Variants in CD300LB observed in about 807,000 individuals in gnomAD.
The protein encoded by CD300LB is CMRF35-like molecule 7.
A neutral mutation model predicts 20.8 loss-of-function variants in CD300LB; 18 were observed. The ratio of observed to expected loss-of-function variants is 0.87; its 90% confidence interval spans 0.60 to 1.28. The LOEUF is 1.28. Ranked by LOEUF, CD300LB falls within the 50% of genes most tolerant of loss-of-function variation. CD300LB has a pLI of 0.00. For synonymous variants in CD300LB, 91 were observed against 91.3 expected (o/e 1.00, Z 0.02); for missense variants, 222 against 251.8 (o/e 0.88, Z 0.80).
chr17:74,526,638 G>A (rs1036435333), intron 1 of CD300LB, among the ~76,000 whole-genome samples: 7 of 152,322 alleles, frequency 4.6e-5, no homozygotes, highest in East Asian at 3.9e-4. Flanking sequence ...GCTTGAACCC[G>A]GGAGGCGGAG....
rs1264192725 is a variant in CD300LB at position 74,522,662 on chromosome 17, C to T, written c.*76G>A. 2.2e-5 allele frequency: 35 copies of T among 1,586,622 alleles called. 1 individual carries two copies. Among genetic ancestry groups the T allele is most frequent in the Admixed American group, 1.0e-4 (6 of 57,774 alleles). On this transcript the variant is annotated 3_prime_UTR_variant, in exon 4 of 4. Coordinates refer to ENST00000392621, the MANE Select transcript of CD300LB (RefSeq NM_174892.4). Reference sequence around the variant, plus strand: ...TCTCAGTCACTGCATCCCGAGGACTCGTAGATGTTCCTTCCACAGCCCGAG... The same window carrying T: ...TCTCAGTCACTGCATCCCGAGGACTTGTAGATGTTCCTTCCACAGCCCGAG...
intron 2 of CD300LB, among the ~76,000 whole-genome samples, chr17:74,525,435 G>A (rs1907999701): frequency 6.6e-6 from 1 of 152,092 alleles, no homozygotes; most frequent in Non-Finnish European, 1.5e-5. Context: ...TCTCTGCCAT[G>A]TCATGAGCAG....
chr17:74,525,613 G>C, intron 2 of CD300LB, 135 bp downstream of exon 2: 3 of 770,894 alleles, frequency 3.9e-6, no homozygotes, highest in Non-Finnish European at 6.3e-6. Flanking sequence ...CTGCCTGTCT[G>C]TCTGTCTGTC....
Position 74,522,016 on chromosome 17 carries a change from G to C in CD300LB, c.*722C>G. The C allele has an allele frequency of 2.0e-6, 2 of 985,490 alleles. No individual in the cohort carries two copies. Among genetic ancestry groups the C allele is most frequent in the Non-Finnish European group, 2.4e-6 (2 of 829,966 alleles). The allele number at this position is 985,490 out of a possible 1,614,324, so 61.0% of individuals were successfully genotyped here. A position where few individuals can be genotyped will look rare whatever the true frequency, so the allele number is the denominator to read the frequency against. On this transcript the variant is annotated 3_prime_UTR_variant, in exon 4 of 4. Transcript: ENST00000392621. ...GAGGAGACCCAAGCTGTCATGCTGA[G>C]GAGGCTCCCAAGCTGCAGCCCCTCG...
In CD300LB at chr17:74,521,218, G is replaced by A. The variant is rs933812219; in HGVS notation, c.*1520C>T. ...TCATTGAATATCAACAGGAAGAAAC[G>A]GTGGGAAAAGAATGACATCACGTTG... On this transcript the variant is annotated 3_prime_UTR_variant, in exon 4 of 4. Transcript: ENST00000392621. 7.1e-5 allele frequency: 18 copies of A among 254,878 alleles called. No homozygotes were observed. Among genetic ancestry groups the A allele is most frequent in the East Asian group, 1.8e-4 (1 of 5,608 alleles). 15.8% of individuals were successfully genotyped at this position (254,878 alleles called of 1,614,324 possible).
Position 74,525,553 on chromosome 17 carries a change from T to C in CD300LB, c.370+195A>G, listed in dbSNP as rs1358435577. On this transcript the variant is annotated intron_variant, in intron 2 of 3. Transcript: ENST00000392621. ...AGGGACTGAGATAGCAGAGCGATGC[T>C]GGCCACCACTCTCCCTTAGTTTCTG... is the stretch of plus-strand genomic sequence containing the variant. 2.6e-5 allele frequency among the ~76,000 whole-genome samples: 4 copies of C among 152,186 alleles called. 1 individual carries two copies. The highest frequency in any genetic ancestry group is 6.5e-5 in the Admixed American group (1 of 15,284).
Position 74,521,605 on chromosome 17 carries a change from T to C in CD300LB, c.*1133A>G. On this transcript the variant is annotated 3_prime_UTR_variant, in exon 4 of 4. Coordinates refer to ENST00000392621, the MANE Select transcript of CD300LB (RefSeq NM_174892.4). ...CCATGCTAGGGACCAGAGGGTCCCC[T>C]CTCCTTTATCCACTGCTGACAGTCA... 1.0e-6 allele frequency: 1 copy of C among 985,402 alleles called. No homozygotes were observed. The highest frequency in any genetic ancestry group is 1.7e-5 in the African/African-American group (1 of 57,344). The allele number at this position is 985,402 out of a possible 1,614,324, so 61.0% of individuals were successfully genotyped here.
In CD300LB at chr17:74,526,041, G is replaced by A. The variant is rs200754539; in HGVS notation, c.77C>T (p.Ala26Val). The change falls in exon 2 of 4, where the codon GCC becomes GTC. Residue 26 changes from alanine to valine, a missense_variant. By Grantham distance (64) the Ala-to-Val change is moderately conservative (BLOSUM62 0). Transcript: ENST00000392621. Reference sequence around the variant, plus strand: ...AACCGTCAGGGACCCCTGCTCTGGGGCTCTCACAGACTCTGGGCCTTGGAT... The same window carrying A: ...AACCGTCAGGGACCCCTGCTCTGGGACTCTCACAGACTCTGGGCCTTGGAT... Reference protein sequence around the residue: ...FSIQGPESVRAPEQGSLTVQC... With the variant: ...FSIQGPESVRVPEQGSLTVQC... 88 of 1,613,978 alleles carry A rather than the reference G, an allele frequency of 5.5e-5. 1 individual carries two copies. The East Asian group carries it at 1.9e-3, about 35-fold the overall frequency.
chr17:74,528,665 T>A (rs1180710400), intron 1 of CD300LB, among the ~76,000 whole-genome samples: 1 of 151,952 alleles, frequency 6.6e-6, no homozygotes, highest in Non-Finnish European at 1.5e-5. Context: ...GTCTCTGCCA[T>A]CGCAGGCCAC....
chr17:74,523,596 G>A lies in CD300LB; in HGVS notation c.426C>T (p.Phe142=), dbSNP rs760893352. ...SSPTNSNMAV[F]IGSHKRNHYM... ...TGACTCACCTCTTGTGGGAGCCGAT[G>A]AACACTGCCATATTGCTGTTGGTAG... Residue 142 remains phenylalanine (F), a synonymous_variant, in exon 3 of 4, where the codon TTC becomes TTT. Transcript: ENST00000392621. 8 of 1,612,906 alleles carry A rather than the reference G, an allele frequency of 5.0e-6. No homozygotes were observed. The highest frequency in any genetic ancestry group is 6.8e-6 in the Non-Finnish European group (8 of 1,178,988).
chr17:74,522,676 C>T lies in CD300LB; in HGVS notation c.*62G>A. ...TCCCGAGGACTCGTAGATGTTCCTTCCACAGCCCGAGTCTCTTCTGGAAAC... is the reference window on the plus strand; with the variant it reads ...TCCCGAGGACTCGTAGATGTTCCTTTCACAGCCCGAGTCTCTTCTGGAAAC... On this transcript the variant is annotated 3_prime_UTR_variant, in exon 4 of 4. Coordinates refer to ENST00000392621, the MANE Select transcript of CD300LB (RefSeq NM_174892.4). 6.3e-7 allele frequency: 1 copy of T among 1,599,818 alleles called. No homozygotes were observed. The highest frequency in any genetic ancestry group is 1.1e-5 in the South Asian group (1 of 89,520).
chr17:74,522,923 CAG>C (rs775968759), intron 3 of CD300LB, 23 bp from the exon 4 acceptor site: 3 of 1,609,286 alleles, frequency 1.9e-6, no homozygotes, highest in African/African-American at 2.7e-5. Context: ...ATGCAGTGGT[CAG>C]AGCCCTGGGC....
chr17:74,522,073 G>A lies in CD300LB; in HGVS notation c.*665C>T. The stretch of plus-strand genomic sequence containing the variant: ...GGGGAATAGGCAGGGAGCTTGGGGA[G>A]CTAGGAGGAGGAAGAGGTGGGAGGG... On this transcript the variant is annotated 3_prime_UTR_variant, in exon 4 of 4. Transcript: ENST00000392621. 1 of 985,394 alleles carries A rather than the reference G, an allele frequency of 1.0e-6. No homozygotes were observed. The highest frequency in any genetic ancestry group is 4.7e-5 in the South Asian group (1 of 21,294). 61.0% of individuals were successfully genotyped at this position (985,394 alleles called of 1,614,324 possible). A position where few individuals can be genotyped will look rare whatever the true frequency, so the allele number is the denominator to read the frequency against.
chr17:74,531,166 G>A, intron 1 of CD300LB, 145 bp downstream of exon 1: 2 of 913,320 alleles, frequency 2.2e-6, no homozygotes, highest in Non-Finnish European at 3.1e-6. Context: ...AGGCCCCGAA[G>A]CACACGATGT....
At chr17:74,528,177 T>C (rs565960496) in intron 1 of CD300LB, among the ~76,000 whole-genome samples, 1 of 152,012 alleles carries the variant, frequency 6.6e-6, no homozygotes, top group Admixed American at 6.6e-5. Context: ...CATTATATAT[T>C]ATAATATAAT....
At position 74,525,761 on chromosome 17, in the gene CD300LB, C is replaced by G. The variant is rs1386367067; in HGVS notation, c.357G>C (p.Val119=). 1 of 1,613,564 alleles carries G rather than the reference C, an allele frequency of 6.2e-7. No individual in the cohort carries two copies. Among genetic ancestry groups the G allele is most frequent in the South Asian group, 1.1e-5 (1 of 91,068 alleles). Residue 119 remains valine (V), a synonymous_variant, in exon 2 of 4, where the codon GTG becomes GTC. Coordinates refer to ENST00000392621, the MANE Select transcript of CD300LB (RefSeq NM_174892.4). ...GAAAGTTCTTACCTGGGTCAACGAT[C>G]ACTTTCACTTGAGTCCCAAGGTCAG... The part of the protein sequence containing the change: ...RGPDLGTQVK[V]IVDPEGAAST...
chr17:74,525,838 G>A lies in CD300LB; in HGVS notation c.280C>T (p.Leu94Phe), dbSNP rs201789354. The change falls in exon 2 of 4, where the codon CTC becomes TTC. Residue 94 changes from leucine (L) to phenylalanine (F), a missense_variant. By Grantham distance (22) the Leu-to-Phe change is conservative. Transcript: ENST00000392621. ...DRTFTVTMEG[L>F]RRDDADVYWC... ...TAAACATCTGCGTCATCTCGCCTGAGCCCCTCCATGGTCACAGTGAACGTG... is the reference window on the plus strand; with the variant it reads ...TAAACATCTGCGTCATCTCGCCTGAACCCCTCCATGGTCACAGTGAACGTG... The A allele has an allele frequency of 1.9e-6, 3 of 1,614,128 alleles. No homozygotes were observed. Among genetic ancestry groups the A allele is most frequent in the Non-Finnish European group, 2.5e-6 (3 of 1,180,024 alleles).
chr17:74,523,383 G>A, intron 3 of CD300LB, 196 bp downstream of exon 3: 1 of 598,606 alleles, frequency 1.7e-6, no homozygotes, highest in Non-Finnish European at 3.0e-6. Flanking sequence ...CTGCAGAGCG[G>A]TTTTCTGGTG....
chr17:74,522,569 C>A lies in CD300LB; in HGVS notation c.*169G>T. 4.2e-6 allele frequency: 6 copies of A among 1,423,324 alleles called. No individual in the cohort carries two copies. The South Asian group carries it at 8.9e-5, about 21-fold the overall frequency. 88.2% of individuals were successfully genotyped at this position (1,423,324 alleles called of 1,614,324 possible). On this transcript the variant is annotated 3_prime_UTR_variant, in exon 4 of 4. Transcript: ENST00000392621. ...GGCTCAGGAGAGGACCTGGCTAAGTCCCTGAGCTGTGCAGAACAGGGAGGT... is the reference window on the plus strand; with the variant it reads ...GGCTCAGGAGAGGACCTGGCTAAGTACCTGAGCTGTGCAGAACAGGGAGGT...
Sources: gnomAD v4.1 joint callset for allele counts (sites outside exome capture counted in the v4.1 genomes callset) on GRCh38, gnomAD v4.1.1 for gene constraint, MANE v1.5 for transcripts, NCBI Gene and HGNC (gene_info 2026-07-23, HGNC 2026-07-21) for gene names.